The following HS6ST3 variants were observed in gnomAD, a reference collection of about 807,000 sequenced individuals.
HS6ST3 encodes the protein heparan-sulfate 6-O-sulfotransferase 3.
HS6ST3 carries 12 observed loss-of-function variants against 36.7 expected under a neutral mutation model. The ratio of observed to expected loss-of-function variants is 0.33; its 90% CI spans 0.21 to 0.53. HS6ST3 has a LOEUF of 0.53. Among genes scored for constraint, HS6ST3 ranks in the 20% least tolerant of loss-of-function variants. The pLI, the probability that HS6ST3 is intolerant of heterozygous loss-of-function variation, is 0.95. For missense variants in HS6ST3, 584 were observed against 640.9 expected, an observed-to-expected ratio of 0.91 and a Z score of 0.96; for synonymous variants, 240 against 257.5, an observed-to-expected ratio of 0.93 and a Z score of 0.65.
At chr13:96,681,537 G>T (rs1241832534) in intron 1 of HS6ST3, among the ~76,000 whole-genome samples, 2 of 152,204 alleles carry the variant, frequency 1.3e-5, no homozygotes, top group East Asian at 1.9e-4. Context: ...ACAAGGATGG[G>T]CATGCAAGGT....
intron 1 of HS6ST3, among the ~76,000 whole-genome samples, chr13:96,373,323 A>T (rs2055298968): frequency 6.6e-6 from 1 of 152,136 alleles, no homozygotes; most frequent in Non-Finnish European, 1.5e-5. Flanking sequence ...TTACTAAAGG[A>T]CCCTATCTTC....
At chr13:96,312,878 G>T (rs956722636) in intron 1 of HS6ST3, among the ~76,000 whole-genome samples, 2 of 150,782 alleles carry the variant, frequency 1.3e-5, no homozygotes, top group African/African-American at 2.4e-5. Context: ...CTTGAACTTG[G>T]GGGGCGGAGG....
chr13:96,282,474 C>T (rs1448766615), intron 1 of HS6ST3, among the ~76,000 whole-genome samples: 1 of 152,118 alleles, frequency 6.6e-6, no homozygotes, highest in Non-Finnish European at 1.5e-5. Context: ...GCTGGGTATA[C>T]TCAGTAACCA....
intron 1 of HS6ST3, among the ~76,000 whole-genome samples, chr13:96,760,370 C>T (rs1486654622): frequency 2.0e-5 from 3 of 151,860 alleles, no homozygotes; most frequent in African/African-American, 7.3e-5. Context: ...TATTGACTCC[C>T]TGCTATGAGA....
At chr13:96,236,421 A>C (rs1249789885) in intron 1 of HS6ST3, among the ~76,000 whole-genome samples, 1 of 152,034 alleles carries the variant, frequency 6.6e-6, no homozygotes, top group Non-Finnish European at 1.5e-5. Flanking sequence ...TTTTCAAACA[A>C]TCACCTTTTC....
intron 1 of HS6ST3, among the ~76,000 whole-genome samples, chr13:96,711,322 A>C (rs1229545220): frequency 1.3e-5 from 2 of 152,220 alleles, no homozygotes; most frequent in Non-Finnish European, 2.9e-5. Context: ...GGAGAAAATA[A>C]AGGAACTGAA....
At chr13:96,633,867 T>C (rs888047690) in intron 1 of HS6ST3, among the ~76,000 whole-genome samples, 1 of 152,182 alleles carries the variant, frequency 6.6e-6, no homozygotes, top group African/African-American at 2.4e-5. Flanking sequence ...TATGTGAGTC[T>C]GAAACTCAGT....
intron 1 of HS6ST3, among the ~76,000 whole-genome samples, chr13:96,248,817 G>A (rs1371832414): frequency 1.3e-5 from 2 of 152,164 alleles, no homozygotes; most frequent in South Asian, 2.1e-4. Context: ...GATGAGGAAT[G>A]CCTGTTATTT....
At chr13:96,224,326 G>C (rs1179584827) in intron 1 of HS6ST3, among the ~76,000 whole-genome samples, 1 of 152,136 alleles carries the variant, frequency 6.6e-6, no homozygotes, top group East Asian at 1.9e-4. Context: ...GAGATGAGCT[G>C]TTTGTCACTT....
intron 1 of HS6ST3, among the ~76,000 whole-genome samples, chr13:96,317,354 A>T (rs1234195426): frequency 0.011 from 363 of 34,338 alleles, 11 homozygotes; most frequent in African/African-American, 0.035. Flanking sequence ...ATATATATAT[A>T]TATATATATA....
chr13:96,649,754 C>G (rs1018699141), intron 1 of HS6ST3, among the ~76,000 whole-genome samples: 2 of 151,974 alleles, frequency 1.3e-5, no homozygotes, highest in Non-Finnish European at 2.9e-5. Flanking sequence ...TCAATGTACA[C>G]TCAAAGTAAA....
intron 1 of HS6ST3, among the ~76,000 whole-genome samples, chr13:96,174,032 A>G (rs1418156099): frequency 2.0e-5 from 3 of 151,498 alleles, no homozygotes; most frequent in Non-Finnish European, 1.5e-5. Context: ...GAAGGCTTTT[A>G]ACAGATAGGA....
intron 1 of HS6ST3, among the ~76,000 whole-genome samples, chr13:96,440,092 A>ATGTT (rs1337461906): frequency 4.6e-5 from 7 of 152,130 alleles, no homozygotes; most frequent in Non-Finnish European, 7.4e-5. Flanking sequence ...ATGTGTGTGT[A>ATGTT]TGTTTGTTTG....
chr13:96,706,270 C>T (rs1207252674), intron 1 of HS6ST3, among the ~76,000 whole-genome samples: 2 of 151,874 alleles, frequency 1.3e-5, no homozygotes, highest in East Asian at 3.9e-4. Flanking sequence ...TTCTGTGTTA[C>T]ACCCAGAGAT....
At chr13:96,401,200 C>A (rs183088654) in intron 1 of HS6ST3, among the ~76,000 whole-genome samples, 14 of 152,216 alleles carry the variant, frequency 9.2e-5, no homozygotes, top group African/African-American at 3.4e-4. Flanking sequence ...TGCTTTTCCC[C>A]CCTAATTGAA....
intron 1 of HS6ST3, among the ~76,000 whole-genome samples, chr13:96,335,747 G>A (rs2055097614): frequency 6.6e-6 from 1 of 152,106 alleles, no homozygotes; most frequent in Non-Finnish European, 1.5e-5. Context: ...ATTTCCTCCG[G>A]CCTTCAGGGT....
chr13:96,177,218 C>A (rs567812571), intron 1 of HS6ST3, among the ~76,000 whole-genome samples: 1 of 152,240 alleles, frequency 6.6e-6, no homozygotes, highest in African/African-American at 2.4e-5. Context: ...TATGGCGATT[C>A]CTCAAAGAGC....
chr13:96,698,690 T>C lies in HS6ST3; in HGVS notation c.708-133800T>C, dbSNP rs1875199542. The stretch of plus-strand genomic sequence containing the variant: ...AAAATGGCCATACTGCCCAAGGTAA[T>C]TTATAGATTTGATGCCATCCCCATC... On this transcript the variant is annotated intron_variant, in intron 1 of 1. Transcript: ENST00000376705. Among the ~76,000 whole-genome samples the C allele has an allele frequency of 2.0e-5, 3 of 152,130 alleles. No individual in the cohort carries two copies. In the South Asian group the frequency reaches 6.2e-4, roughly 32 times the overall value.
chr13:96,656,998 TGAGAGAGA>T (rs1179705458), intron 1 of HS6ST3, among the ~76,000 whole-genome samples: 1 of 98,276 alleles, frequency 1.0e-5, no homozygotes, highest in Non-Finnish European at 2.0e-5. Flanking sequence ...TGTGTGTGTG[TGAGAGAGA>T]GAGAGAGAGA....
Sources: allele counts gnomAD v4.1 joint callset (sites outside exome capture counted in the v4.1 genomes callset), GRCh38; gene constraint gnomAD v4.1.1; transcripts MANE v1.5; gene names NCBI Gene and HGNC (gene_info 2026-07-23, HGNC 2026-07-21).